Variants in MORC1 observed in about 807,000 individuals in gnomAD.
MORC1 encodes the protein MORC family CW-type zinc finger protein 1.
MORC1 carries 59 observed loss-of-function variants against 134.9 expected under a neutral mutation model. That is an observed-to-expected ratio of 0.44 (90% CI 0.35 to 0.54). MORC1 has a LOEUF of 0.54. Among genes scored for constraint, MORC1 ranks in the 20% least tolerant of loss-of-function variants. The pLI is 0.00. For missense variants in MORC1, 947 were observed against 1,134.5 expected (o/e 0.83, Z 2.37); for synonymous variants, 395 against 391.7 (o/e 1.01, Z -0.10).
intron 24 of MORC1, among the ~76,000 whole-genome samples, chr3:108,976,311 C>G (rs939202093): frequency 6.6e-6 from 1 of 152,148 alleles, no homozygotes; most frequent in African/African-American, 2.4e-5. Flanking sequence ...AACTACTACT[C>G]TTTTTTATCA....
chr3:109,046,414 T>C (rs1222258315), intron 14 of MORC1, among the ~76,000 whole-genome samples: 1 of 152,240 alleles, frequency 6.6e-6, no homozygotes, highest in Non-Finnish European at 1.5e-5. Context: ...CCTTTGGATA[T>C]ATTCCAGTTT....
At chr3:109,008,228 T>C (rs1377302320) in intron 17 of MORC1, among the ~76,000 whole-genome samples, 1 of 152,174 alleles carries the variant, frequency 6.6e-6, no homozygotes, top group Non-Finnish European at 1.5e-5. Flanking sequence ...ACCTTGTAAA[T>C]AGGTAATTTC....
chr3:108,992,172 A>C (rs1948081749), intron 21 of MORC1, among the ~76,000 whole-genome samples: 2 of 152,166 alleles, frequency 1.3e-5, no homozygotes, highest in African/African-American at 4.8e-5. Context: ...ATCCAGACAC[A>C]ATTTTAGTAT....
Position 109,059,853 on chromosome 3 carries a change from A to G in MORC1, c.984T>C (p.Ala328=). The change falls in exon 12 of 28, where the codon GCT becomes GCC. Residue 328 remains alanine, a synonymous_variant. Transcript: ENST00000232603. ...LSSAKDVLQR[A]LEDVEAKQKN... ...TTTGCTTTGCTTCTACATCTTCCAA[A>G]GCTCTCTGTAATACATCCTGGAGAA... 6.2e-7 allele frequency: 1 copy of G among 1,612,612 alleles called. No homozygotes were observed. The highest frequency in any genetic ancestry group is 8.5e-7 in the Non-Finnish European group (1 of 1,179,264).
At position 109,094,976 on chromosome 3, in the gene MORC1, A is replaced by G. The variant is rs1385747210; in HGVS notation, c.516T>C (p.Tyr172=). The G allele has an allele frequency of 3.1e-6, 5 of 1,595,000 alleles. No individual in the cohort carries two copies. The highest frequency in any genetic ancestry group is 1.7e-6 in the Non-Finnish European group (2 of 1,174,972). The change falls in exon 7 of 28, where the codon TAT becomes TAC. Residue 172 remains tyrosine, a synonymous_variant. Coordinates refer to ENST00000232603, the MANE Select transcript of MORC1 (RefSeq NM_014429.4). ...QKFAMELSII[Y]KYSPFKTEAE... is the part of the protein sequence containing the mutation. ...CTTCAGTTTTAAATGGGGAGTATTT[A>G]TAAATTATAGATAATTCCATTGCAA...
Position 108,959,020 on chromosome 3 carries a change from A to G in MORC1, c.2900T>C (p.Ile967Thr). The G allele has an allele frequency of 6.4e-7, 1 of 1,551,934 alleles. No homozygotes were observed. Among genetic ancestry groups the G allele is most frequent in the South Asian group, 1.2e-5 (1 of 81,818 alleles). ...LFQNNLNKVT[I>T]DARHRLPLEK... ...TAAAGGGAGTCTATGTCTTGCATCT[A>G]TAGTTACTTTATTTAAATTGTTCTG... Residue 967 changes from isoleucine (I) to threonine (T), a missense_variant, in exon 28 of 28, where the codon ATA becomes ACA. Around this residue, in one of 3 missense-constraint regions of MORC1, gnomAD observed 722 missense variants for 817.0 expected, o/e 0.88. Transcript: ENST00000232603.
At chr3:109,027,430 G>A (rs1046092284) in intron 17 of MORC1, among the ~76,000 whole-genome samples, 1 of 152,148 alleles carries the variant, frequency 6.6e-6, no homozygotes, top group Non-Finnish European at 1.5e-5. Context: ...AATTTGTGTT[G>A]CGCCTTGACC....
At chr3:109,017,805 AG>A (rs1488238789) in intron 17 of MORC1, among the ~76,000 whole-genome samples, 1 of 152,198 alleles carries the variant, frequency 6.6e-6, no homozygotes, top group Non-Finnish European at 1.5e-5. Context: ...TCATTACCCT[AG>A]AAAGCTTGAA....
At position 108,984,377 on chromosome 3, in the gene MORC1, GA is replaced by G. The variant is rs199900311; in HGVS notation, c.2324+338del. Reference sequence around the variant, plus strand: ...TGACAATAAGATAATGAACCACAGAGAAAAAAAAATCAGTTAATGATTTCAT... The same window carrying G: ...TGACAATAAGATAATGAACCACAGAGAAAAAAAATCAGTTAATGATTTCAT... On this transcript the variant is annotated intron_variant, in intron 23 of 27. Transcript: ENST00000232603. Among the ~76,000 whole-genome samples the G allele has an allele frequency of 3.2e-3, 482 of 150,890 alleles. 2 individuals carry two copies. The highest frequency in any genetic ancestry group is 0.01 in the African/African-American group (426 of 41,190).
At position 108,979,584 on chromosome 3, in the gene MORC1, G is replaced by C. The variant is rs199763549; in HGVS notation, c.2408C>G (p.Ala803Gly). ...RVSVSGSCKV[A>G]SSPASSQSTP... ...GCTTTGAGAAGACGCTGGCGAAGAA[G>C]CAACTTTACAACTGCCACTCACAGA... is the stretch of plus-strand genomic sequence containing the variant. Residue 803 changes from alanine to glycine, a missense_variant, in exon 24 of 28, where the codon GCT (alanine) becomes GGT (glycine). Physicochemically the swap from Ala to Gly is moderately conservative, Grantham distance 60 (BLOSUM62 0). Around this residue, in one of 3 missense-constraint regions of MORC1, gnomAD observed 722 missense variants for 817.0 expected, o/e 0.88. Coordinates refer to ENST00000232603, the MANE Select transcript of MORC1 (RefSeq NM_014429.4). 1.2e-4 allele frequency: 191 copies of C among 1,614,066 alleles called. No homozygotes were observed. The highest frequency in any genetic ancestry group is 1.7e-6 in the Non-Finnish European group (2 of 1,180,034).
chr3:109,040,463 AGAAAGAAAGAAAGAAAGAAAGAAAG>A (rs1949503613), intron 14 of MORC1, among the ~76,000 whole-genome samples: 2 of 149,478 alleles, frequency 1.3e-5, no homozygotes, highest in African/African-American at 4.9e-5. Flanking sequence ...AAAGAAAGAA[AGAAAGAAAGAAAGAAAGAAAGAAAG>A]GAAAGAAAAG....
At chr3:108,989,176 T>C (rs909255770) in intron 21 of MORC1, among the ~76,000 whole-genome samples, 1 of 152,214 alleles carries the variant, frequency 6.6e-6, no homozygotes, top group African/African-American at 2.4e-5. Context: ...ATTATGTTAT[T>C]TGTATATTTG....
At chr3:109,007,548 T>C (rs1016624609) in intron 17 of MORC1, among the ~76,000 whole-genome samples, 1 of 152,334 alleles carries the variant, frequency 6.6e-6, no homozygotes, top group East Asian at 1.9e-4. Context: ...ACGCACTCAA[T>C]GCCCAATCAC....
chr3:109,099,727 C>T (rs1221520544), intron 5 of MORC1, among the ~76,000 whole-genome samples: 1 of 152,060 alleles, frequency 6.6e-6, no homozygotes, highest in Non-Finnish European at 1.5e-5. Context: ...TCATCTGTCT[C>T]AGGTAGGAGC....
Position 108,962,671 on chromosome 3 carries a change from T to C in MORC1, c.2799+743A>G, listed in dbSNP as rs78996563. ...TGGCTTGGATTTCTCAATTTATTTC[T>C]AGAATCCACAGGAAGACTTTCAATC... On this transcript the variant is annotated intron_variant, in intron 27 of 27. Coordinates refer to ENST00000232603, the MANE Select transcript of MORC1 (RefSeq NM_014429.4). Among the ~76,000 whole-genome samples the C allele has an allele frequency of 8.2e-3, 1,255 of 152,326 alleles. 17 individuals are homozygous for C. The highest frequency in any genetic ancestry group is 0.028 in the African/African-American group (1,171 of 41,564).
chr3:108,982,936 TG>T (rs1164743459), intron 23 of MORC1, among the ~76,000 whole-genome samples: 38 of 120,728 alleles, frequency 3.1e-4, no homozygotes, highest in Middle Eastern at 4.9e-3. Flanking sequence ...ATACTAGTTT[TG>T]GTTTTTTTTT....
chr3:109,103,436 C>G (rs1351633905), intron 4 of MORC1, among the ~76,000 whole-genome samples: 1 of 152,088 alleles, frequency 6.6e-6, no homozygotes, highest in Non-Finnish European at 1.5e-5. Context: ...GAGAGGAAAC[C>G]TCTACCTCGA....
chr3:109,003,840 G>A (rs1035474475), intron 20 of MORC1, among the ~76,000 whole-genome samples: 3 of 152,122 alleles, frequency 2.0e-5, no homozygotes, highest in Non-Finnish European at 4.4e-5. Context: ...ACTTTAAGAG[G>A]ATGAGCAGCC....
chr3:109,078,472 A>G (rs1355010421), intron 8 of MORC1, among the ~76,000 whole-genome samples: 1 of 152,030 alleles, frequency 6.6e-6, no homozygotes, highest in Admixed American at 6.6e-5. Context: ...GGAAATCAAA[A>G]TAAAATTATA....
Sources: allele counts gnomAD v4.1 joint callset (sites outside exome capture counted in the v4.1 genomes callset), GRCh38; gene constraint gnomAD v4.1.1; regional missense constraint gnomAD v4.1.1; transcripts MANE v1.5; gene names NCBI Gene and HGNC (gene_info 2026-07-23, HGNC 2026-07-21).